LOC112694756: variants seen among roughly 807,000 people sequenced by gnomAD.
chr16:30,062,299 C>T, the LOC112694756 span, among the ~76,000 whole-genome samples: 69 of 152,192 alleles, frequency 4.5e-4, no homozygotes, highest in Non-Finnish European at 7.5e-4. Flanking sequence ...TTTGGGAGAC[C>T]AAGGTGGGTT....
the LOC112694756 span, chr16:30,066,145 A>T: frequency 1.3e-5 from 2 of 152,452 alleles, no homozygotes; most frequent in African/African-American, 2.4e-5. Context: ...AGGAAGCCGG[A>T]CGAGATGAAG....
the LOC112694756 span, among the ~76,000 whole-genome samples, chr16:30,066,418 G>T: frequency 6.6e-6 from 1 of 152,252 alleles, no homozygotes; most frequent in Non-Finnish European, 1.5e-5. Context: ...GCCCGGAACA[G>T]CTGCAGCCAT....
the LOC112694756 span, chr16:30,067,157 G>A: frequency 6.2e-7 from 1 of 1,601,676 alleles, no homozygotes; most frequent in Non-Finnish European, 8.5e-7. Flanking sequence ...CTGACCTCCA[G>A]GAGAGGGGCC....
chr16:30,059,723 C>T, the LOC112694756 span, among the ~76,000 whole-genome samples: 5 of 151,306 alleles, frequency 3.3e-5, no homozygotes, highest in African/African-American at 7.3e-5. Context: ...CCACCATGCC[C>T]GGCTAAAGTT....
At chr16:30,069,418 A>C in the LOC112694756 span, 1 of 1,614,108 alleles carries the variant, frequency 6.2e-7, no homozygotes. Context: ...GACCAGTGCA[A>C]GGTGGCTGGC....
the LOC112694756 span, among the ~76,000 whole-genome samples, chr16:30,057,805 C>T: frequency 2.0e-5 from 3 of 152,046 alleles, no homozygotes; most frequent in Admixed American, 1.3e-4. Context: ...GTGGCACTCG[C>T]CTGTAATCCC....
the LOC112694756 span, chr16:30,069,181 C>A: frequency 7.3e-7 from 1 of 1,362,698 alleles, no homozygotes; most frequent in Non-Finnish European, 1.0e-6. Flanking sequence ...CTCCTGTAAT[C>A]TGAGGGCTTT....
chr16:30,068,361 G>T, the LOC112694756 span: 1 of 432,096 alleles, frequency 2.3e-6, no homozygotes, highest in Non-Finnish European at 4.4e-6. Flanking sequence ...ACCATGCCCG[G>T]CTTAAGTAAC....
chr16:30,067,383 G>C, the LOC112694756 span: 4 of 1,614,110 alleles, frequency 2.5e-6, no homozygotes, highest in Non-Finnish European at 2.5e-6. Context: ...GCAGGAGACA[G>C]AATGGGTGGA....
At chr16:30,055,168 C>G in the LOC112694756 span, 4 of 399,142 alleles carry the variant, frequency 1.0e-5, no homozygotes, top group Non-Finnish European at 1.8e-5. Flanking sequence ...ACCCTGTGAC[C>G]TAGGCCCAGG....
At chr16:30,064,612 T>G in the LOC112694756 span, 1 of 397,162 alleles carries the variant, frequency 2.5e-6, no homozygotes, top group African/African-American at 2.1e-5. Context: ...GGCTTCAGGT[T>G]TCCCTAAATA....
chr16:30,059,054 G>A, the LOC112694756 span: 1 of 398,414 alleles, frequency 2.5e-6, no homozygotes, highest in African/African-American at 2.1e-5. Context: ...TCAGAAGCAG[G>A]TATAGGACTT....
chr16:30,068,359 C>T, the LOC112694756 span: 8 of 424,704 alleles, frequency 1.9e-5, no homozygotes, highest in African/African-American at 8.1e-5. Flanking sequence ...CCACCATGCC[C>T]GGCTTAAGTA....
At chr16:30,067,498 A>G in the LOC112694756 span, 9 of 1,613,298 alleles carry the variant, frequency 5.6e-6, no homozygotes, top group Middle Eastern at 3.3e-4. Context: ...AACACCGAGG[A>G]GAACCGGCGC....
chr16:30,067,586 A>G, the LOC112694756 span: 1,156 of 1,613,782 alleles, frequency 7.2e-4, 8 homozygotes, highest in African/African-American at 0.012. Context: ...TCCATGAGAC[A>G]CTCTACCAGA....
At chr16:30,068,555 A>AT in the LOC112694756 span, 2 of 1,436,134 alleles carry the variant, frequency 1.4e-6, no homozygotes, top group South Asian at 2.3e-5. Flanking sequence ...GTGAGCTGAG[A>AT]TTCCACCACT....
chr16:30,069,739 T>C, the LOC112694756 span: 154 of 1,611,768 alleles, frequency 9.6e-5, no homozygotes, highest in Non-Finnish European at 1.3e-4. Context: ...CTATGCCCAT[T>C]TGGACGGATT....
the LOC112694756 span, chr16:30,068,800 C>A: frequency 6.2e-7 from 1 of 1,614,184 alleles, no homozygotes; most frequent in Admixed American, 1.7e-5. Context: ...GTGCTCTGAC[C>A]CCTTCCTCTT....
chr16:30,068,920 C>T, the LOC112694756 span: 4 of 1,614,244 alleles, frequency 2.5e-6, no homozygotes, highest in Admixed American at 3.3e-5. Context: ...ACCCCCTCAG[C>T]CCTCGCCATC....
Sources: gnomAD v4.1 joint callset for allele counts (sites outside exome capture counted in the v4.1 genomes callset) on GRCh38, gnomAD v4.1.1 for gene constraint, MANE v1.5 for transcripts.